Variants in ATP2B2 observed in about 807,000 individuals in gnomAD.
ATP2B2 encodes the protein plasma membrane calcium-transporting ATPase 2.
In ATP2B2, 15 loss-of-function variants were observed where a neutral mutation model predicts 120.0. The observed-to-expected ratio is 0.12, with a 90% confidence interval of 0.08 to 0.19. The LOEUF is 0.19. Among genes scored for constraint, ATP2B2 ranks in the 10% least tolerant of loss-of-function variants. The probability of loss-of-function intolerance (pLI) is 1.00; values close to 1 mark genes in which losing one functional copy is unlikely to be tolerated. For missense variants in ATP2B2, 1,045 were observed against 1,719.8 expected (o/e 0.61, Z 6.94); for synonymous variants, 694 against 700.3 (o/e 0.99, Z 0.14).
intron 12 of ATP2B2, among the ~76,000 whole-genome samples, chr3:10,370,404 C>G (rs1051825785): frequency 1.3e-5 from 2 of 152,240 alleles, no homozygotes; most frequent in Admixed American, 6.5e-5. Flanking sequence ...TAAAGCATCG[C>G]TGATCTCCCT....
chr3:10,423,343 G>A (rs548426962), intron 2 of ATP2B2, among the ~76,000 whole-genome samples: 6 of 152,224 alleles, frequency 3.9e-5, no homozygotes, highest in Middle Eastern at 3.4e-3. Flanking sequence ...GCCCAGAGAC[G>A]CGGAAGCGAC....
At chr3:10,622,752 A>G (rs1163103677) in intron 1 of ATP2B2, among the ~76,000 whole-genome samples, 17 of 152,206 alleles carry the variant, frequency 1.1e-4, no homozygotes, top group Non-Finnish European at 1.5e-5. Flanking sequence ...AGAGGCTTTA[A>G]TCAGGATCAG....
chr3:10,456,014 C>T (rs2064244886), intron 1 of ATP2B2, among the ~76,000 whole-genome samples: 1 of 152,184 alleles, frequency 6.6e-6, no homozygotes, highest in African/African-American at 2.4e-5. Flanking sequence ...TGTATTGTTA[C>T]ATTTCAATGA....
At chr3:10,491,249 G>A (rs1173949150) in intron 1 of ATP2B2, among the ~76,000 whole-genome samples, 1 of 148,370 alleles carries the variant, frequency 6.7e-6, no homozygotes, top group Non-Finnish European at 1.5e-5. Context: ...TTTTGAGACG[G>A]TGTTTCACTC....
Position 10,343,303 on chromosome 3 carries a change from A to C in ATP2B2, c.2704-338T>G, listed in dbSNP as rs2060334226. Among the ~76,000 whole-genome samples the C allele has an allele frequency of 6.7e-6, 1 of 150,096 alleles. No homozygotes were observed. The highest frequency in any genetic ancestry group is 2.5e-5 in the African/African-American group (1 of 40,500). Reference sequence around the variant, plus strand: ...GAGGGGGTCTCTCCTGGCTGAGGCCAAGACCATTCCCACCGCCTCCGGCAT... The same window carrying C: ...GAGGGGGTCTCTCCTGGCTGAGGCCCAGACCATTCCCACCGCCTCCGGCAT... On this transcript the variant is annotated intron_variant, in intron 18 of 22. Coordinates refer to ENST00000360273, the MANE Select transcript of ATP2B2 (RefSeq NM_001001331.4). The surrounding 1 kb of genome is among the most constrained non-coding windows in gnomAD (Gnocchi z 4.2).
intron 2 of ATP2B2, among the ~76,000 whole-genome samples, chr3:10,416,029 G>C (rs2062770002): frequency 6.6e-6 from 1 of 152,194 alleles, no homozygotes; most frequent in Non-Finnish European, 1.5e-5. Flanking sequence ...TAACCTCTAG[G>C]CTGGGGAAAC....
chr3:10,328,730 T>C lies in ATP2B2; in HGVS notation c.*84A>G. 1.4e-6 allele frequency: 2 copies of C among 1,399,298 alleles called. No individual in the cohort carries two copies. The highest frequency in any genetic ancestry group is 1.9e-6 in the Non-Finnish European group (2 of 1,030,340). The allele number at this position is 1,399,298 out of a possible 1,614,324, so 86.7% of individuals were successfully genotyped here. A position where few individuals can be genotyped will look rare whatever the true frequency, so the allele number is the denominator to read the frequency against. On this transcript the variant is annotated 3_prime_UTR_variant, in exon 23 of 23. Transcript: ENST00000360273. Reference sequence around the variant, plus strand: ...TGTTGCTCGTTGCTGCTTGGGTGAGTTGGGTGCCTGGATGGATGGGTGCCC... The same window carrying C: ...TGTTGCTCGTTGCTGCTTGGGTGAGCTGGGTGCCTGGATGGATGGGTGCCC...
At chr3:10,706,123 T>G (rs2071892352) in intron 1 of ATP2B2, among the ~76,000 whole-genome samples, 1 of 152,244 alleles carries the variant, frequency 6.6e-6, no homozygotes, top group Non-Finnish European at 1.5e-5. Context: ...GGTTGATCTC[T>G]CTGTATTTCT....
intron 1 of ATP2B2, among the ~76,000 whole-genome samples, chr3:10,452,352 G>C (rs80039341): frequency 0.033 from 5,026 of 152,266 alleles, 285 homozygotes; most frequent in African/African-American, 0.12. Context: ...GCCTCAATAC[G>C]GCTCCCTCCC....
intron 2 of ATP2B2, among the ~76,000 whole-genome samples, chr3:10,427,926 T>C (rs956957715): frequency 2.0e-5 from 3 of 152,248 alleles, no homozygotes; most frequent in African/African-American, 7.2e-5. Context: ...TTGAGCGTTC[T>C]GCCTCATTTC....
At chr3:10,428,130 G>A (rs1212006576) in intron 2 of ATP2B2, among the ~76,000 whole-genome samples, 1 of 152,210 alleles carries the variant, frequency 6.6e-6, no homozygotes, top group Non-Finnish European at 1.5e-5. Context: ...TGCTGCGTAT[G>A]GCCTGGGCAT....
Position 10,637,897 on chromosome 3 carries a change from C to T in ATP2B2, c.-459-17936G>A, listed in dbSNP as rs530327241. On this transcript the variant is annotated intron_variant, in intron 1 of 21. Coordinates refer to the ATP2B2 transcript ENST00000646379. Reference sequence around the variant, plus strand: ...GGGAAGGAGAAAATCTTAGAAGCAGCCAGAAAAAAAAAAGCATTGTAACAG... The same window carrying T: ...GGGAAGGAGAAAATCTTAGAAGCAGTCAGAAAAAAAAAAGCATTGTAACAG... Among the ~76,000 whole-genome samples the T allele has an allele frequency of 8.0e-5, 12 of 150,318 alleles. No individual in the cohort carries two copies. In the South Asian group the frequency reaches 2.5e-3, roughly 32 times the overall value.
chr3:10,368,278 T>C (rs1210139659), intron 12 of ATP2B2, among the ~76,000 whole-genome samples: 1 of 151,974 alleles, frequency 6.6e-6, no homozygotes, highest in African/African-American at 2.4e-5. Context: ...AGAGACCAGC[T>C]CAACAAGCTG....
intron 14 of ATP2B2, among the ~76,000 whole-genome samples, chr3:10,357,812 C>T (rs1275470673): frequency 6.6e-6 from 1 of 152,188 alleles, no homozygotes; most frequent in Non-Finnish European, 1.5e-5. Flanking sequence ...TGACTCACTC[C>T]GCCTGCCATG....
chr3:10,666,611 A>G (rs546178162), intron 1 of ATP2B2, among the ~76,000 whole-genome samples: 1 of 152,298 alleles, frequency 6.6e-6, no homozygotes, highest in African/African-American at 2.4e-5. Flanking sequence ...TACACCAGAT[A>G]AGGAAACTTT....
intron 1 of ATP2B2, among the ~76,000 whole-genome samples, chr3:10,456,866 C>T (rs2064280862): frequency 6.6e-6 from 1 of 152,240 alleles, no homozygotes; most frequent in South Asian, 2.1e-4. Context: ...CCCACTGCCC[C>T]AGTGATGGGG....
intron 1 of ATP2B2, among the ~76,000 whole-genome samples, chr3:10,701,747 C>T (rs1365906186): frequency 1.3e-5 from 2 of 151,936 alleles, no homozygotes; most frequent in Admixed American, 6.6e-5. Context: ...TATGCCCCTG[C>T]GAAATGCCCA....
intron 1 of ATP2B2, among the ~76,000 whole-genome samples, chr3:10,671,151 C>G (rs1258361436): frequency 6.6e-6 from 1 of 152,192 alleles, no homozygotes. Flanking sequence ...TGGAGATACC[C>G]TAAGATATTA....
rs959229231 is a variant in ATP2B2, at chr3:10,637,564, T to C, written c.-459-17603A>G. 4.6e-5 allele frequency among the ~76,000 whole-genome samples: 7 copies of C among 152,200 alleles called. No individual in the cohort carries two copies. In the East Asian group the frequency reaches 9.6e-4, roughly 21 times the overall value. On this transcript the variant is annotated intron_variant, in intron 1 of 21. Transcript: ENST00000646379. ...CTGCAGAAGGAAAGATTAGTGAACT[T>C]GAAGATAGCAATAGAAACTACCCAA...
Sources: gnomAD v4.1 joint callset for allele counts (sites outside exome capture counted in the v4.1 genomes callset) on GRCh38, gnomAD v4.1.1 for gene constraint, Gnocchi (gnomAD v3.1) non-coding constraint, MANE v1.5 for transcripts, NCBI Gene and HGNC (gene_info 2026-07-23, HGNC 2026-07-21) for gene names.